The following COL11A1 variants were observed in gnomAD, a reference collection of about 807,000 sequenced individuals.
COL11A1 encodes the protein collagen type XI alpha 1 chain, also known as collagen alpha-1(XI) chain.
Under a neutral mutation model 265.2 loss-of-function variants are expected in COL11A1, and 74 were observed. The ratio of observed to expected loss-of-function variants is 0.28; its 90% CI spans 0.23 to 0.34. The LOEUF (loss-of-function observed/expected upper bound fraction) is 0.34, where lower values mean the gene tolerates loss of function less well. COL11A1 is among the 10% of genes least tolerant of loss of function. The probability of loss-of-function intolerance (pLI) is 1.00; values close to 1 mark genes in which losing one functional copy is unlikely to be tolerated. For synonymous variants in COL11A1, 816 were observed against 727.6 expected (o/e 1.12, Z -1.96); for missense variants, 2,165 against 2,263.6 (o/e 0.96, Z 0.88).
At chr1:102,915,441 G>T (rs114612888) in intron 50 of COL11A1, among the ~76,000 whole-genome samples, 190 bp downstream of exon 50, 1 of 152,006 alleles carries the variant, frequency 6.6e-6, no homozygotes, top group South Asian at 2.1e-4. Context: ...TTTTCAATTT[G>T]TTTATCAATC....
chr1:103,098,012 T>C (rs566368072), intron 1 of COL11A1, among the ~76,000 whole-genome samples: 2 of 151,970 alleles, frequency 1.3e-5, no homozygotes, highest in Non-Finnish European at 2.9e-5. Context: ...CAAAAACTAG[T>C]TGAGAGTATG....
chr1:103,104,082 A>G (rs1674504335), intron 1 of COL11A1, among the ~76,000 whole-genome samples: 1 of 152,110 alleles, frequency 6.6e-6, no homozygotes, highest in Non-Finnish European at 1.5e-5. Flanking sequence ...AAGATTGATT[A>G]GCAATTTCTA....
chr1:103,005,997 A>T, intron 17 of COL11A1, 71 bp downstream of exon 17: 1 of 1,611,332 alleles, frequency 6.2e-7, no homozygotes. Flanking sequence ...CAGAAAATGG[A>T]TTTTTAAATA....
intron 4 of COL11A1, among the ~76,000 whole-genome samples, chr1:103,054,560 A>T (rs1298411047): frequency 6.6e-6 from 1 of 152,110 alleles, no homozygotes; most frequent in Non-Finnish European, 1.5e-5. Flanking sequence ...TAATAAATGA[A>T]AAAAGGGTGT....
chr1:102,993,570 G>A (rs1281274602), intron 28 of COL11A1, among the ~76,000 whole-genome samples: 2 of 151,940 alleles, frequency 1.3e-5, no homozygotes, highest in Non-Finnish European at 2.9e-5. Flanking sequence ...CAGGGTCTCA[G>A]TCTGTCACCC....
At chr1:102,967,227 C>CTTTTTTTATTTTTTTTT (rs1661488574) in intron 37 of COL11A1, among the ~76,000 whole-genome samples, 1 of 52,754 alleles carries the variant, frequency 1.9e-5, no homozygotes, top group Admixed American at 3.8e-4. Flanking sequence ...ATAATAAATT[C>CTTTTTTTATTTTTTTTT]TTTTTTTTTT....
intron 4 of COL11A1, among the ~76,000 whole-genome samples, chr1:103,071,821 T>C (rs1671613253): frequency 2.3e-5 from 1 of 43,052 alleles, no homozygotes; most frequent in African/African-American, 6.6e-5. Context: ...TACACATTAA[T>C]GGATAATTAA....
Position 102,970,286 on chromosome 1 carries a change from T to A in COL11A1, c.2809-14A>T. 1.3e-6 allele frequency: 2 copies of A among 1,597,346 alleles called. No homozygotes were observed. Among genetic ancestry groups the A allele is most frequent in the Non-Finnish European group, 1.7e-6 (2 of 1,165,696 alleles). The stretch of plus-strand genomic sequence containing the variant: ...CCCAGGTGGTCCCTGAAATTACAAA[T>A]ATTAAATACCACATGTCATAAATAT... On this transcript the variant is annotated splice_polypyrimidine_tract_variant and intron_variant, in intron 36 of 66. Transcript: ENST00000370096.
chr1:103,011,997 T>C (rs1666170546), intron 14 of COL11A1, among the ~76,000 whole-genome samples: 1 of 152,178 alleles, frequency 6.6e-6, no homozygotes. Context: ...AAAAAGTATC[T>C]TGCTTGCCCT....
chr1:102,958,852 T>A (rs538119793), intron 41 of COL11A1, among the ~76,000 whole-genome samples: 1 of 152,302 alleles, frequency 6.6e-6, no homozygotes, highest in South Asian at 2.1e-4. Flanking sequence ...TGGTTTTTGT[T>A]TGTTCTTGCT....
At chr1:103,054,574 G>A (rs1226011144) in intron 4 of COL11A1, among the ~76,000 whole-genome samples, 2 of 151,390 alleles carry the variant, frequency 1.3e-5, no homozygotes, top group Non-Finnish European at 2.9e-5. Context: ...AGGGTGTTTT[G>A]TTGTTGTTGT....
At chr1:102,927,278 T>C (rs1656702476) in intron 46 of COL11A1, among the ~76,000 whole-genome samples, 1 of 152,186 alleles carries the variant, frequency 6.6e-6, no homozygotes, top group Non-Finnish European at 1.5e-5. Flanking sequence ...TACCCTCATG[T>C]GGGACCTCAA....
At chr1:103,077,725 T>C (rs1672085011) in intron 3 of COL11A1, among the ~76,000 whole-genome samples, 1 of 152,082 alleles carries the variant, frequency 6.6e-6, no homozygotes, top group African/African-American at 2.4e-5. Context: ...TAATTTCTAT[T>C]TAGCTGCTCC....
intron 54 of COL11A1, among the ~76,000 whole-genome samples, chr1:102,899,977 A>G (rs1652981545): frequency 6.6e-6 from 1 of 152,096 alleles, no homozygotes; most frequent in Admixed American, 6.6e-5. Flanking sequence ...TCAGTGATGG[A>G]TGCACTGAAG....
Position 102,898,774 on chromosome 1 carries a change from CT to C in COL11A1, c.4141-2del. 6.2e-7 allele frequency: 1 copy of C among 1,612,026 alleles called. No individual in the cohort carries two copies. The highest frequency in any genetic ancestry group is 8.5e-7 in the Non-Finnish European group (1 of 1,178,888). ...GAGGACCTTCTGCACCTGCTTCCCC[CT>C]GTTAGAAAGTAAAATATGGGAGCAC... is the stretch of plus-strand genomic sequence containing the variant. On this transcript the variant is annotated splice_acceptor_variant, in intron 55 of 66. Transcript: ENST00000370096. LOFTEE classifies it high-confidence loss of function.
chr1:103,066,014 A>C (rs1053841021), intron 4 of COL11A1, among the ~76,000 whole-genome samples: 6 of 152,118 alleles, frequency 3.9e-5, no homozygotes, highest in African/African-American at 7.2e-5. Context: ...AAAATAATAA[A>C]ACTGTCAACC....
chr1:102,994,742 A>C (rs890468034), intron 28 of COL11A1, among the ~76,000 whole-genome samples: 1 of 152,108 alleles, frequency 6.6e-6, no homozygotes, highest in Admixed American at 6.6e-5. Flanking sequence ...ATTTTGTAGT[A>C]AGAATTAATT....
chr1:102,979,226 G>C (rs759445582), intron 32 of COL11A1, 122 bp from the exon 33 acceptor site: 18 of 1,266,040 alleles, frequency 1.4e-5, no homozygotes, highest in Non-Finnish European at 2.1e-5. Flanking sequence ...TTCATTTAGA[G>C]ACAGACTTGC....
At chr1:102,927,034 G>A (rs1197519898) in intron 46 of COL11A1, among the ~76,000 whole-genome samples, 5 of 151,998 alleles carry the variant, frequency 3.3e-5, no homozygotes, top group African/African-American at 4.8e-5. Context: ...TTTATTAAGT[G>A]TTTTAACAGT....
Sources: allele counts gnomAD v4.1 joint callset (sites outside exome capture counted in the v4.1 genomes callset), GRCh38; gene constraint gnomAD v4.1.1; transcripts MANE v1.5; gene names NCBI Gene and HGNC (gene_info 2026-07-23, HGNC 2026-07-21).